OPHN1: variants seen among roughly 807,000 people sequenced by gnomAD.
The protein encoded by OPHN1 is oligophrenin 1, also known as oligophrenin-1.
OPHN1 carries 11 observed loss-of-function variants against 60.7 expected under a neutral mutation model. The ratio of observed to expected loss-of-function variants is 0.18; its 90% CI spans 0.11 to 0.30. The LOEUF is 0.30. OPHN1 is among the 10% of genes least tolerant of loss of function. The probability of loss-of-function intolerance (pLI) is 1.00; values close to 1 mark genes in which losing one functional copy is unlikely to be tolerated. For missense variants in OPHN1, 449 were observed against 611.0 expected (o/e 0.73, Z 2.80); for synonymous variants, 226 against 222.6 (o/e 1.02, Z -0.14).
chrX:68,195,072 AAG>A (rs1042874634), intron 12 of OPHN1, among the ~76,000 whole-genome samples: 2 of 100,121 alleles, frequency 2.0e-5, no homozygotes, highest in African/African-American at 9.6e-5. Context: ...GGAAGAAAGA[AAG>A]AAAATACTTG....
chrX:68,359,855 CAAAAAA>C (rs1186524030), intron 2 of OPHN1, among the ~76,000 whole-genome samples: 1 of 19,225 alleles, frequency 5.2e-5, no homozygotes, highest in South Asian at 2.8e-3. Context: ...GACTCCGTCT[CAAAAAA>C]AAAAAAAAAA....
At chrX:68,342,500 T>C (rs1479129576) in intron 2 of OPHN1, among the ~76,000 whole-genome samples, 1 of 112,134 alleles carries the variant, frequency 8.9e-6, no homozygotes, top group Non-Finnish European at 1.9e-5. Flanking sequence ...ATCATACTAT[T>C]CTCTCTACTT....
chrX:68,170,097 C>T (rs376333842), intron 15 of OPHN1, among the ~76,000 whole-genome samples: 1 of 110,414 alleles, frequency 9.1e-6, no homozygotes, highest in East Asian at 2.8e-4. Flanking sequence ...AAAAAACAAA[C>T]AACCCTATCA....
intron 2 of OPHN1, chrX:68,361,056 A>C (rs1031189622): frequency 1.4e-4 from 16 of 111,855 alleles, no homozygotes; most frequent in African/African-American, 5.2e-4. Context: ...GCAAACACCA[A>C]AAAAAGTTTT....
chrX:68,292,682 AC>A (rs2147619319), intron 3 of OPHN1, among the ~76,000 whole-genome samples: 1 of 111,499 alleles, frequency 9.0e-6, no homozygotes, highest in Non-Finnish European at 1.9e-5. Flanking sequence ...GAGGCACCGT[AC>A]CCAGCCCAAT....
At chrX:68,310,828 C>T (rs1399712224) in intron 2 of OPHN1, among the ~76,000 whole-genome samples, 1 of 110,858 alleles carries the variant, frequency 9.0e-6, no homozygotes, top group Non-Finnish European at 1.9e-5. Context: ...TAGTAGCAAA[C>T]TAGAAAACAG....
At chrX:68,374,262 A>G (rs1257676747) in intron 2 of OPHN1, among the ~76,000 whole-genome samples, 6 of 108,822 alleles carry the variant, frequency 5.5e-5, no homozygotes, top group African/African-American at 2.0e-4. Flanking sequence ...ATGCTGAGGC[A>G]GGAGAATGGC....
chrX:68,416,461 G>T (rs1438713326), intron 2 of OPHN1, among the ~76,000 whole-genome samples: 1 of 111,409 alleles, frequency 9.0e-6, no homozygotes, highest in African/African-American at 3.3e-5. Context: ...CAGTCAAAAA[G>T]GATGAACTGT....
intron 3 of OPHN1, among the ~76,000 whole-genome samples, chrX:68,292,384 A>AT (rs1569270964): frequency 3.6e-5 from 4 of 111,721 alleles, no homozygotes; most frequent in Non-Finnish European, 7.5e-5. Flanking sequence ...ATGATTATAG[A>AT]TTTTTTGTAA....
intron 4 of OPHN1, among the ~76,000 whole-genome samples, chrX:68,281,351 G>T: frequency 8.9e-6 from 1 of 112,011 alleles, no homozygotes; most frequent in Non-Finnish European, 1.9e-5. Flanking sequence ...AACAGTGTTG[G>T]AGCAACTGGA....
chrX:68,105,865 A>G (rs915016619), intron 18 of OPHN1, among the ~76,000 whole-genome samples: 1 of 110,877 alleles, frequency 9.0e-6, no homozygotes, highest in African/African-American at 3.3e-5. Context: ...GGACATAAAT[A>G]AAATGTGTTC....
intron 2 of OPHN1, among the ~76,000 whole-genome samples, chrX:68,317,316 A>T (rs2078204293): frequency 1.0e-5 from 1 of 97,231 alleles, no homozygotes; most frequent in Non-Finnish European, 2.0e-5. Context: ...AAAAAGAAAA[A>T]GAAGAAGAAG....
At chrX:68,360,472 G>T (rs1170403660) in intron 2 of OPHN1, among the ~76,000 whole-genome samples, 1 of 111,240 alleles carries the variant, frequency 9.0e-6, no homozygotes, top group Non-Finnish European at 1.9e-5. Flanking sequence ...GGGATTACAG[G>T]CATAAGCCAC....
At chrX:68,258,296 C>T (rs971014198) in intron 5 of OPHN1, among the ~76,000 whole-genome samples, 6 of 108,483 alleles carry the variant, frequency 5.5e-5, no homozygotes, top group African/African-American at 1.7e-4. Flanking sequence ...ATGTGTACAA[C>T]GTGCAGGTTA....
chrX:68,070,909 G>A, intron 20 of OPHN1: 2 of 1,148,517 alleles, frequency 1.7e-6, no homozygotes, highest in Non-Finnish European at 1.2e-6. Flanking sequence ...AAATTTCTCA[G>A]CAGTGACAAA....
chrX:68,215,345 T>C (rs952690527), intron 6 of OPHN1, among the ~76,000 whole-genome samples: 62 of 111,394 alleles, frequency 5.6e-4, no homozygotes, highest in African/African-American at 2.0e-3. Flanking sequence ...TTACAAAAGA[T>C]GTTAATATAC....
intron 15 of OPHN1, among the ~76,000 whole-genome samples, chrX:68,127,015 C>T (rs1459566096): frequency 8.9e-6 from 1 of 111,921 alleles, no homozygotes; most frequent in Non-Finnish European, 1.9e-5. Flanking sequence ...TGTCTATAAA[C>T]CAACCAAAAG....
intron 15 of OPHN1, among the ~76,000 whole-genome samples, chrX:68,187,812 A>G (rs1417357774): frequency 9.0e-6 from 1 of 111,106 alleles, no homozygotes; most frequent in Non-Finnish European, 1.9e-5. Context: ...TATTTTTAGT[A>G]GAGATGGGGT....
intron 15 of OPHN1, among the ~76,000 whole-genome samples, chrX:68,162,347 G>T (rs945920497): frequency 3.6e-5 from 4 of 109,634 alleles, no homozygotes; most frequent in Non-Finnish European, 7.6e-5. Context: ...CCTTATATAT[G>T]TTATTTAAGA....
Sources: gnomAD v4.1 joint callset for allele counts (sites outside exome capture counted in the v4.1 genomes callset) on GRCh38, gnomAD v4.1.1 for gene constraint, MANE v1.5 for transcripts, NCBI Gene and HGNC (gene_info 2026-07-23, HGNC 2026-07-21) for gene names.